The following SNX27 variants were observed in gnomAD, a reference collection of about 807,000 sequenced individuals.
SNX27 encodes sorting nexin 27.
Under a neutral mutation model 71.6 loss-of-function variants are expected in SNX27, and 22 were observed. The ratio of observed to expected loss-of-function variants is 0.31; its 90% CI spans 0.22 to 0.44. SNX27 has a LOEUF of 0.44. Ranked by LOEUF, SNX27 falls within the 20% of genes least tolerant of loss-of-function variation. The probability of loss-of-function intolerance (pLI) is 1.00; values close to 1 mark genes in which losing one functional copy is unlikely to be tolerated. For missense variants in SNX27, 531 were observed against 698.6 expected (o/e 0.76, Z 2.70); for synonymous variants, 269 against 277.2 (o/e 0.97, Z 0.29).
Position 151,612,753 on chromosome 1 carries a change from C to T in SNX27, c.311+241C>T, listed in dbSNP as rs1403240262. ...CGTCTCCAGCTGATGCCCTTGCGCC[C>T]CCAGTGCTCCTCCCTGTGCCCCGAT... On this transcript the variant is annotated intron_variant, in intron 1 of 11. Transcript: ENST00000458013. The surrounding 1 kb of genome is among the most constrained non-coding windows in gnomAD (Gnocchi z 5.2). Among the ~76,000 whole-genome samples, 1 of 152,178 alleles carries T rather than the reference C, an allele frequency of 6.6e-6. No homozygotes were observed. Among genetic ancestry groups the T allele is most frequent in the Non-Finnish European group, 1.5e-5 (1 of 68,028 alleles).
intron 8 of SNX27, among the ~76,000 whole-genome samples, chr1:151,689,499 G>A (rs1328473233): frequency 6.6e-6 from 1 of 152,192 alleles, no homozygotes; most frequent in Non-Finnish European, 1.5e-5. Context: ...CCCTGCCTTT[G>A]TCGGCATGCT....
At position 151,697,537 on chromosome 1, in the gene SNX27, AAGG is replaced by A. The variant is rs1274982628; in HGVS notation, c.*3124_*3126del. The A allele has an allele frequency of 2.6e-5, 4 of 152,806 alleles. No individual in the cohort carries two copies. The highest frequency in any genetic ancestry group is 4.8e-5 in the African/African-American group (2 of 41,448). 9.5% of individuals were successfully genotyped at this position (152,806 alleles called of 1,614,324 possible). ...CAGTAACAACGCACCCAGCTGCAGC[AAGG>A]AGGTGGGGAAGGAGGGCACCCCAAA... On this transcript the variant is annotated 3_prime_UTR_variant, in exon 12 of 12. Transcript: ENST00000458013.
At position 151,654,771 on chromosome 1, in the gene SNX27, G is replaced by C. The variant is rs138257800; in HGVS notation, c.544-3464G>C. Among the ~76,000 whole-genome samples, 3 of 152,262 alleles carry C rather than the reference G, an allele frequency of 2.0e-5. No individual in the cohort carries two copies. The East Asian group carries it at 5.8e-4, about 29-fold the overall frequency. ...GGTGGGGAAGTGCATGTGAGACAGA[G>C]AGCAAATGGGGCCCAAACTCCTGAG... On this transcript the variant is annotated intron_variant, in intron 2 of 11. Coordinates refer to ENST00000458013, the MANE Select transcript of SNX27 (RefSeq NM_001330723.2).
chr1:151,635,095 A>G (rs1486774025), intron 1 of SNX27, among the ~76,000 whole-genome samples: 1 of 152,212 alleles, frequency 6.6e-6, no homozygotes, highest in East Asian at 1.9e-4. Flanking sequence ...TGTTACAAAG[A>G]CAGAATTGAA....
rs557043899 is a variant in SNX27, at chr1:151,680,665, A to C, written c.1150-2691A>C. ...AGAAAGACAGTATTCTTATATTCTT[A>C]TTCTCATCGAAACAATACAGAAATA... On this transcript the variant is annotated intron_variant, in intron 7 of 11. Transcript: ENST00000458013. 1.7e-4 allele frequency among the ~76,000 whole-genome samples: 26 copies of C among 152,350 alleles called. No homozygotes were observed. The South Asian group carries it at 1.9e-3, about 11-fold the overall frequency.
intron 2 of SNX27, among the ~76,000 whole-genome samples, chr1:151,651,104 A>G (rs1196448070): frequency 6.6e-6 from 1 of 151,720 alleles, no homozygotes; most frequent in Non-Finnish European, 1.5e-5. Context: ...CCCGTTCTCA[A>G]TGAGCTGTTG....
At position 151,694,491 on chromosome 1, in the gene SNX27, AC is replaced by A; in HGVS notation, c.*76del. ...TTCATGTCCCATTTCAGACAGAGTA[AC>A]CATTAACAAAAAAGAAGAGAAAAAG... On this transcript the variant is annotated 3_prime_UTR_variant, in exon 12 of 12. Coordinates refer to ENST00000458013, the MANE Select transcript of SNX27 (RefSeq NM_001330723.2). 3 of 1,403,544 alleles carry A rather than the reference AC, an allele frequency of 2.1e-6. No individual in the cohort carries two copies. Among genetic ancestry groups the A allele is most frequent in the Non-Finnish European group, 2.9e-6 (3 of 1,042,352 alleles). The allele number at this position is 1,403,544 out of a possible 1,614,324, so 86.9% of individuals were successfully genotyped here.
In SNX27 at chr1:151,663,881, C is replaced by A. The variant is rs1317848314; in HGVS notation, c.906+1611C>A. 5.9e-5 allele frequency among the ~76,000 whole-genome samples: 9 copies of A among 151,990 alleles called. No individual in the cohort carries two copies. The South Asian group carries it at 1.9e-3, about 31-fold the overall frequency. ...ATCCATTGATGATTATTGCCTTAAC[C>A]AGTGATTTCATTAAAGATTACAAAG... On this transcript the variant is annotated intron_variant, in intron 5 of 11. Coordinates refer to ENST00000458013, the MANE Select transcript of SNX27 (RefSeq NM_001330723.2).
Position 151,692,432 on chromosome 1 carries a change from T to TTTTTAAAAAAA in SNX27, c.1240-3_1240-2insTTTTAAAAAAA. 5 of 1,452,066 alleles carry TTTTTAAAAAAA rather than the reference T, an allele frequency of 3.4e-6. No homozygotes were observed. Among genetic ancestry groups the TTTTTAAAAAAA allele is most frequent in the Non-Finnish European group, 3.6e-6 (4 of 1,101,926 alleles). The allele number at this position is 1,452,066 out of a possible 1,614,324, so 89.9% of individuals were successfully genotyped here. ...TTTTTTTTTTTTTTTTTTTTTTTTT[T>TTTTTAAAAAAA]AGTACCTCAACATGCTAAGGACTTG... is the stretch of plus-strand genomic sequence containing the variant. On this transcript the variant is annotated splice_polypyrimidine_tract_variant and splice_region_variant and intron_variant, in intron 8 of 11. Transcript: ENST00000458013.
At chr1:151,664,362 T>A (rs1670101780) in intron 5 of SNX27, among the ~76,000 whole-genome samples, 1 of 152,094 alleles carries the variant, frequency 6.6e-6, no homozygotes, top group Non-Finnish European at 1.5e-5. Flanking sequence ...CCTTCATGTC[T>A]GCTCCTGTAT....
chr1:151,653,321 T>A (rs1669505729), intron 2 of SNX27, among the ~76,000 whole-genome samples: 1 of 152,306 alleles, frequency 6.6e-6, no homozygotes, highest in East Asian at 1.9e-4. Flanking sequence ...ATAGTAGAGA[T>A]GACTGAAGTA....
Position 151,697,724 on chromosome 1 carries a change from C to G in SNX27, c.*3307C>G, listed in dbSNP as rs1019676118. On this transcript the variant is annotated 3_prime_UTR_variant, in exon 12 of 12. Coordinates refer to ENST00000458013, the MANE Select transcript of SNX27 (RefSeq NM_001330723.2). ...CCTCTGCACTTCCTTTCTGTAATCC[C>G]TACTGTTCTTCTTAGTCCCAGCTTC... The G allele has an allele frequency of 1.3e-5, 2 of 152,830 alleles. No homozygotes were observed. The highest frequency in any genetic ancestry group is 6.5e-5 in the Admixed American group (1 of 15,286). 9.5% of individuals were successfully genotyped at this position (152,830 alleles called of 1,614,324 possible).
chr1:151,617,252 A>G (rs1343639383), intron 1 of SNX27, among the ~76,000 whole-genome samples: 1 of 151,694 alleles, frequency 6.6e-6, no homozygotes, highest in Admixed American at 6.6e-5. Context: ...ATAGTGTGTT[A>G]TAGTTTGTAG....
chr1:151,688,188 G>A (rs1228015923), intron 8 of SNX27, among the ~76,000 whole-genome samples: 6 of 152,164 alleles, frequency 3.9e-5, no homozygotes, highest in Non-Finnish European at 8.8e-5. Flanking sequence ...ACAGAGTAAA[G>A]TCTCACTGGG....
chr1:151,635,910 C>T (rs759070890), intron 1 of SNX27, among the ~76,000 whole-genome samples: 1 of 152,140 alleles, frequency 6.6e-6, no homozygotes, highest in Non-Finnish European at 1.5e-5. Context: ...ACTTAAGTTT[C>T]TCTGACGATT....
At chr1:151,691,142 A>C (rs1376520159) in intron 8 of SNX27, among the ~76,000 whole-genome samples, 1 of 152,108 alleles carries the variant, frequency 6.6e-6, no homozygotes, top group Non-Finnish European at 1.5e-5. Context: ...AAAGTGAAAT[A>C]GAAGGTGGTA....
intron 11 of SNX27, chr1:151,693,836 G>C: frequency 2.1e-6 from 3 of 1,434,648 alleles, no homozygotes; most frequent in Non-Finnish European, 2.7e-6. Flanking sequence ...AGTTGTAGCC[G>C]TCTTGACTGG....
At chr1:151,650,676 A>G (rs1227548606) in intron 2 of SNX27, among the ~76,000 whole-genome samples, 1 of 151,978 alleles carries the variant, frequency 6.6e-6, no homozygotes, top group African/African-American at 2.4e-5. Flanking sequence ...TCATAGGACA[A>G]TAGTGGAGGG....
chr1:151,676,369 A>G (rs1225515916), intron 7 of SNX27: 5 of 126,626 alleles, frequency 3.9e-5, no homozygotes. Flanking sequence ...GCAGTGGCAC[A>G]ATCTCGGCTC....
Sources: gnomAD v4.1 joint callset for allele counts (sites outside exome capture counted in the v4.1 genomes callset) on GRCh38, gnomAD v4.1.1 for gene constraint, Gnocchi (gnomAD v3.1) non-coding constraint, MANE v1.5 for transcripts, NCBI Gene and HGNC (gene_info 2026-07-23, HGNC 2026-07-21) for gene names.